Variants in FYN observed in about 807,000 individuals in gnomAD.
FYN encodes the protein FYN proto-oncogene, Src family tyrosine kinase, also known as tyrosine-protein kinase Fyn.
FYN carries 10 observed loss-of-function variants against 70.2 expected under a neutral mutation model. The ratio of observed to expected loss-of-function variants is 0.14; its 90% CI spans 0.09 to 0.24. The LOEUF (loss-of-function observed/expected upper bound fraction) is 0.24. FYN is among the 10% of genes least tolerant of loss of function. The probability of loss-of-function intolerance (pLI) is 1.00; values close to 1 mark genes in which losing one functional copy is unlikely to be tolerated. For synonymous variants in FYN, 236 were observed against 248.6 expected, an observed-to-expected ratio of 0.95 and a Z score of 0.48; for missense variants, 319 against 673.1, an observed-to-expected ratio of 0.47 and a Z score of 5.82.
At chr6:111,723,310 C>T (rs1238685834) in intron 3 of FYN, among the ~76,000 whole-genome samples, 2 of 152,018 alleles carry the variant, frequency 1.3e-5, no homozygotes, top group African/African-American at 2.4e-5. Context: ...ACTGCTGCAT[C>T]TTGCGTGGCC....
intron 12 of FYN, among the ~76,000 whole-genome samples, chr6:111,682,928 G>A (rs976464746): frequency 1.3e-5 from 2 of 152,158 alleles, no homozygotes; most frequent in South Asian, 2.1e-4. Context: ...GATAGTAAAG[G>A]CCTAAAGTCC....
At chr6:111,804,997 G>T (rs1772103653) in intron 2 of FYN, among the ~76,000 whole-genome samples, 1 of 151,798 alleles carries the variant, frequency 6.6e-6, no homozygotes, top group African/African-American at 2.4e-5. Flanking sequence ...TAACCCAGGG[G>T]TTAACCTCCA....
chr6:111,718,518 C>T (rs760270734), intron 4 of FYN, among the ~76,000 whole-genome samples: 8 of 152,132 alleles, frequency 5.3e-5, no homozygotes, highest in East Asian at 1.9e-4. Flanking sequence ...ATCCAGCACT[C>T]GTGAATGAAT....
chr6:111,821,995 A>G (rs1262507368), intron 2 of FYN, among the ~76,000 whole-genome samples: 7 of 152,248 alleles, frequency 4.6e-5, no homozygotes, highest in East Asian at 1.9e-4. Flanking sequence ...TGCTGGAGAG[A>G]ATGTGGAGAA....
intron 1 of FYN, among the ~76,000 whole-genome samples, chr6:111,861,217 C>T (rs780212045): frequency 9.9e-5 from 15 of 152,170 alleles, no homozygotes; most frequent in African/African-American, 1.7e-4. Flanking sequence ...TGTAGTATCA[C>T]GCAGCACAAG....
chr6:111,719,679 G>A (rs1800839962), intron 4 of FYN, 126 bp downstream of exon 4: 2 of 1,066,810 alleles, frequency 1.9e-6, no homozygotes, highest in South Asian at 3.3e-5. Context: ...TAGTAGAGGA[G>A]ACAGATTAGA....
chr6:111,694,569 C>T lies in FYN; in HGVS notation c.1120-41G>A, dbSNP rs1225932091. 3.7e-6 allele frequency: 6 copies of T among 1,613,756 alleles called. No homozygotes were observed. The Admixed American group carries it at 1.0e-4, about 27-fold the overall frequency. Reference sequence around the variant, plus strand: ...GAACAGGACATGTTACACCACGACCCAATGTACTTAGACACGTCATTAAAT... The same window carrying T: ...GAACAGGACATGTTACACCACGACCTAATGTACTTAGACACGTCATTAAAT... On this transcript the variant is annotated intron_variant, in intron 11 of 13. Coordinates refer to ENST00000354650, the MANE Select transcript of FYN (RefSeq NM_002037.5). The surrounding 1 kb of genome is among the most constrained non-coding windows in gnomAD (Gnocchi z 5.0).
At chr6:111,711,922 A>C (rs895848933) in intron 5 of FYN, among the ~76,000 whole-genome samples, 6 of 152,254 alleles carry the variant, frequency 3.9e-5, no homozygotes, top group Admixed American at 3.9e-4. Flanking sequence ...CCATTGGCAG[A>C]AAGGAAGAAC....
chr6:111,712,834 T>C lies in FYN; in HGVS notation c.344+1513A>G, dbSNP rs546173244. Reference sequence around the variant, plus strand: ...TGGCCACACAGGCATGTTCAGCTTGTGAAAATTCAGCAAACTGTATACTTT... The same window carrying C: ...TGGCCACACAGGCATGTTCAGCTTGCGAAAATTCAGCAAACTGTATACTTT... On this transcript the variant is annotated intron_variant, in intron 5 of 13. Transcript: ENST00000354650. 9.8e-5 allele frequency among the ~76,000 whole-genome samples: 15 copies of C among 152,294 alleles called. No individual in the cohort carries two copies. The South Asian group carries it at 3.1e-3, about 32-fold the overall frequency.
At chr6:111,663,084 C>T (rs904142437) in intron 13 of FYN, among the ~76,000 whole-genome samples, 1 of 152,220 alleles carries the variant, frequency 6.6e-6, no homozygotes, top group African/African-American at 2.4e-5. Context: ...AGCCACTATT[C>T]TCTAGTTTTG....
At position 111,688,438 on chromosome 6, in the gene FYN, C is replaced by T. The variant is rs146953762; in HGVS notation, c.1273+5937G>A. Among the ~76,000 whole-genome samples the T allele has an allele frequency of 2.2e-3, 340 of 152,300 alleles. 6 individuals carry two copies. In the East Asian group the frequency reaches 0.04, roughly 18 times the overall value. On this transcript the variant is annotated intron_variant, in intron 12 of 13. Coordinates refer to ENST00000354650, the MANE Select transcript of FYN (RefSeq NM_002037.5). ...AGAGACAGCAGGAGAGCATGTCTCA[C>T]AAGAGTGTGGGGGGGTTGGTGACCT...
intron 1 of FYN, among the ~76,000 whole-genome samples, chr6:111,849,254 G>A (rs902574402): frequency 1.3e-5 from 2 of 152,184 alleles, no homozygotes; most frequent in Admixed American, 1.3e-4. Flanking sequence ...GGAAGCCAAA[G>A]GACAAGACCC....
intron 12 of FYN, among the ~76,000 whole-genome samples, chr6:111,684,756 T>C (rs1350471095): frequency 6.6e-6 from 1 of 152,092 alleles, no homozygotes; most frequent in African/African-American, 2.4e-5. Context: ...TTAATGGGCA[T>C]CTCCTGAAAC....
At chr6:111,812,543 T>C (rs968102267) in intron 2 of FYN, among the ~76,000 whole-genome samples, 4 of 151,094 alleles carry the variant, frequency 2.6e-5, no homozygotes. Context: ...AGAAACCAAA[T>C]ATGCTTACAC....
chr6:111,664,758 C>T (rs1253163298), intron 13 of FYN, among the ~76,000 whole-genome samples: 1 of 152,050 alleles, frequency 6.6e-6, no homozygotes, highest in Non-Finnish European at 1.5e-5. Flanking sequence ...TCTTCTCCTG[C>T]TTTCTTCTGC....
chr6:111,735,904 T>C (rs1801690112), intron 3 of FYN, among the ~76,000 whole-genome samples: 1 of 152,216 alleles, frequency 6.6e-6, no homozygotes, highest in African/African-American at 2.4e-5. Context: ...TGGAACTATA[T>C]AAGTGACATT....
intron 4 of FYN, among the ~76,000 whole-genome samples, chr6:111,718,299 A>G (rs1323383425): frequency 6.6e-6 from 1 of 152,238 alleles, no homozygotes; most frequent in Non-Finnish European, 1.5e-5. Context: ...GGGAGAAAGG[A>G]CATGCATATA....
intron 12 of FYN, among the ~76,000 whole-genome samples, chr6:111,677,466 T>G (rs909116059): frequency 7.2e-5 from 11 of 152,182 alleles, no homozygotes; most frequent in Admixed American, 7.2e-4. Flanking sequence ...AAAATGCAGC[T>G]CTAAATGTGG....
chr6:111,824,450 AG>A (rs1397435119), intron 2 of FYN, among the ~76,000 whole-genome samples: 2 of 152,178 alleles, frequency 1.3e-5, no homozygotes, highest in Non-Finnish European at 2.9e-5. Flanking sequence ...TTTAGGAGAA[AG>A]CCTTGACACC....
Sources: gnomAD v4.1 joint callset for allele counts (sites outside exome capture counted in the v4.1 genomes callset) on GRCh38, gnomAD v4.1.1 for gene constraint, Gnocchi (gnomAD v3.1) non-coding constraint, MANE v1.5 for transcripts, NCBI Gene and HGNC (gene_info 2026-07-23, HGNC 2026-07-21) for gene names.